SYAP1: variants seen among roughly 807,000 people sequenced by gnomAD.
SYAP1 encodes the protein synapse associated protein 1, also known as synapse-associated protein 1.
In SYAP1, 3 loss-of-function variants were observed where a neutral mutation model predicts 29.6. That is an observed-to-expected ratio of 0.10 (90% CI 0.05 to 0.26). SYAP1 has a LOEUF of 0.26. Among genes scored for constraint, SYAP1 ranks in the 10% least tolerant of loss-of-function variants. The probability of loss-of-function intolerance (pLI) is 1.00; values close to 1 mark genes in which losing one functional copy is unlikely to be tolerated. For missense variants in SYAP1, 217 were observed against 264.1 expected (o/e 0.82, Z 1.24); for synonymous variants, 102 against 102.7 (o/e 0.99, Z 0.04).
intron 3 of SYAP1, among the ~76,000 whole-genome samples, chrX:16,739,804 C>T (rs1290402902): frequency 1.8e-5 from 2 of 111,549 alleles, no homozygotes; most frequent in Non-Finnish European, 3.8e-5. Context: ...CTTTGTGTTG[C>T]AAGACCAGTA....
intron 1 of SYAP1, among the ~76,000 whole-genome samples, chrX:16,730,795 A>G (rs889667585): frequency 1.8e-5 from 2 of 112,385 alleles, no homozygotes; most frequent in Non-Finnish European, 3.8e-5. Flanking sequence ...AGAATTTGCC[A>G]TACAAGGTCC....
chrX:16,750,767 ATTTT>A (rs35898800), intron 5 of SYAP1, among the ~76,000 whole-genome samples: 1 of 90,849 alleles, frequency 1.1e-5, no homozygotes, highest in Admixed American at 1.2e-4. Flanking sequence ...GTTCTCACTG[ATTTT>A]TTTTTTTTTT....
At chrX:16,739,476 C>CTT (rs760754281) in intron 3 of SYAP1, among the ~76,000 whole-genome samples, 23,093 of 81,242 alleles carry the variant, frequency 0.28, 3,636 homozygotes, top group East Asian at 0.49. Flanking sequence ...CTCTCTCTCT[C>CTT]TTTTTTTTTT....
At chrX:16,739,155 C>T (rs934991936) in intron 3 of SYAP1, among the ~76,000 whole-genome samples, 3 of 111,345 alleles carry the variant, frequency 2.7e-5, no homozygotes, top group Non-Finnish European at 5.7e-5. Flanking sequence ...GGGGCTTTAC[C>T]CTAATTTTTT....
intron 5 of SYAP1, among the ~76,000 whole-genome samples, chrX:16,748,699 A>G (rs1200277131): frequency 8.9e-6 from 1 of 112,039 alleles, no homozygotes; most frequent in Admixed American, 9.5e-5. Flanking sequence ...ATAGTGCAGG[A>G]AAACAAATAG....
Position 16,752,054 on chromosome X carries a change from A to G in SYAP1, c.576-2891A>G, listed in dbSNP as rs772839804. Among the ~76,000 whole-genome samples the G allele has an allele frequency of 1.9e-4, 18 of 93,683 alleles. No individual in the cohort carries two copies. The East Asian group carries it at 5.9e-3, about 31-fold the overall frequency. 81.4% of individuals were successfully genotyped at this position (93,683 alleles called of 115,157 possible). On this transcript the variant is annotated intron_variant, in intron 5 of 8. Transcript: ENST00000380155. ...GAGTGCAGTGGTGCGATCTTGGCTCACCGCAGCCTCCACATGCTGGGTTCA... is the reference window on the plus strand; with the variant it reads ...GAGTGCAGTGGTGCGATCTTGGCTCGCCGCAGCCTCCACATGCTGGGTTCA...
At chrX:16,743,620 C>G in intron 4 of SYAP1, 81 bp from the exon 5 acceptor site, 1 of 986,841 alleles carries the variant, frequency 1.0e-6, no homozygotes, top group African/African-American at 1.9e-5. Context: ...GGTGACAACC[C>G]GTCTCAAAAA....
At chrX:16,749,110 C>T (rs1421294076) in intron 5 of SYAP1, among the ~76,000 whole-genome samples, 3 of 110,263 alleles carry the variant, frequency 2.7e-5, no homozygotes, top group East Asian at 5.7e-4. Flanking sequence ...GGCTGGAATA[C>T]AGTGGTGTGA....
intron 1 of SYAP1, among the ~76,000 whole-genome samples, chrX:16,728,219 A>C (rs6632876): frequency 0.43 from 47,388 of 110,083 alleles, 8,854 homozygotes; most frequent in African/African-American, 0.71. Context: ...GCAGTTAATT[A>C]CTGTCCTGCT....
At chrX:16,756,014 C>T (rs1926834860) in intron 6 of SYAP1, among the ~76,000 whole-genome samples, 1 of 111,933 alleles carries the variant, frequency 8.9e-6, no homozygotes, top group Non-Finnish European at 1.9e-5. Flanking sequence ...AGTTGCTCTA[C>T]ACAGGAAAAT....
At position 16,741,973 on chromosome X, in the gene SYAP1, A is replaced by AT. The variant is rs1422449919; in HGVS notation, c.435+194dup. On this transcript the variant is annotated intron_variant, in intron 4 of 8. Transcript: ENST00000380155. ...AATGTACACATAAAATTTATTTTTT[A>AT]TTTTTTTTTTGAGATGGAGTCTTGC... 6.4e-3 allele frequency among the ~76,000 whole-genome samples: 672 copies of AT among 105,352 alleles called. 6 individuals are homozygous for AT. Among genetic ancestry groups the AT allele is most frequent in the African/African-American group, 0.022 (627 of 28,901 alleles). The allele number at this position is 105,352 out of a possible 115,157, so 91.5% of individuals were successfully genotyped here. A position where few individuals can be genotyped will look rare whatever the true frequency, so the allele number is the denominator to read the frequency against.
At chrX:16,743,636 A>AG in intron 4 of SYAP1, 65 bp from the exon 5 acceptor site, 1 of 1,142,439 alleles carries the variant, frequency 8.8e-7, no homozygotes, top group East Asian at 3.1e-5. Context: ...AAAAAAAAAA[A>AG]AAAATTGTTA....
chrX:16,726,225 T>C (rs1448937903), intron 1 of SYAP1, among the ~76,000 whole-genome samples: 1 of 112,164 alleles, frequency 8.9e-6, no homozygotes, highest in African/African-American at 3.2e-5. Flanking sequence ...AAGACATAAG[T>C]GATTAACTTC....
intron 4 of SYAP1, among the ~76,000 whole-genome samples, chrX:16,743,344 T>A (rs1314505864): frequency 3.0e-5 from 3 of 100,170 alleles, no homozygotes; most frequent in African/African-American, 7.4e-5. Flanking sequence ...AAAATAAAAT[T>A]AAAAAAAAAG....
intron 6 of SYAP1, among the ~76,000 whole-genome samples, chrX:16,755,329 G>GTT (rs1266314147): frequency 1.0e-5 from 1 of 100,168 alleles, no homozygotes; most frequent in Non-Finnish European, 2.0e-5. Context: ...TTTCGTTTTT[G>GTT]TTTTTTTTTT....
At chrX:16,754,915 C>T in intron 5 of SYAP1, 30 bp from the exon 6 acceptor site, 1 of 1,199,437 alleles carries the variant, frequency 8.3e-7, no homozygotes, top group Non-Finnish European at 1.1e-6. Flanking sequence ...TTGCCTTTTT[C>T]CACTGTTCTA....
At chrX:16,735,817 G>C (rs1926316909) in intron 2 of SYAP1, among the ~76,000 whole-genome samples, 1 of 111,854 alleles carries the variant, frequency 8.9e-6, no homozygotes, top group Non-Finnish European at 1.9e-5. Context: ...TATAGACGGG[G>C]TTTCACCATG....
rs1200498985 is a variant in SYAP1, at chrX:16,759,027, C to CA, written c.932-1190dup. On this transcript the variant is annotated intron_variant, in intron 8 of 8. Coordinates refer to ENST00000380155, the MANE Select transcript of SYAP1 (RefSeq NM_032796.4). ...TGAAACCCCGTCTCTACTAAAAATA[C>CA]AAAAAAAAAAAAAAATTAGCCTGGC... 4.6e-3 allele frequency among the ~76,000 whole-genome samples: 362 copies of CA among 79,352 alleles called. 2 individuals are homozygous for CA. Among genetic ancestry groups the CA allele is most frequent in the African/African-American group, 0.012 (252 of 21,746 alleles). 68.9% of individuals were successfully genotyped at this position (79,352 alleles called of 115,157 possible).
At chrX:16,730,793 C>T (rs1926188458) in intron 1 of SYAP1, among the ~76,000 whole-genome samples, 1 of 112,245 alleles carries the variant, frequency 8.9e-6, no homozygotes, top group Non-Finnish European at 1.9e-5. Flanking sequence ...CAAGAATTTG[C>T]CATACAAGGT....
Sources: gnomAD v4.1 joint callset for allele counts (sites outside exome capture counted in the v4.1 genomes callset) on GRCh38, gnomAD v4.1.1 for gene constraint, MANE v1.5 for transcripts, NCBI Gene and HGNC (gene_info 2026-07-23, HGNC 2026-07-21) for gene names.